The following GRIN2D variants were observed in gnomAD, a reference collection of about 807,000 sequenced individuals.
The protein encoded by GRIN2D is glutamate ionotropic receptor NMDA type subunit 2D.
GRIN2D carries 37 observed loss-of-function variants against 103.2 expected under a neutral mutation model. That is an observed-to-expected ratio of 0.36 (90% CI 0.28 to 0.47). The LOEUF (loss-of-function observed/expected upper bound fraction) is 0.47, where lower values mean the gene tolerates loss of function less well. GRIN2D is among the 20% of genes least tolerant of loss of function. The probability of loss-of-function intolerance (pLI) is 1.00; values close to 1 mark genes in which losing one functional copy is unlikely to be tolerated. For synonymous variants in GRIN2D, 845 were observed against 885.6 expected (o/e 0.95, Z 0.81); for missense variants, 1,557 against 1,910.6 (o/e 0.81, Z 3.45).
chr19:48,414,947 T>A lies in GRIN2D; in HGVS notation c.1496T>A (p.Ile499Asn). Residue 499 changes from isoleucine to asparagine, a missense_variant, in exon 7 of 14, where the codon ATC (isoleucine) becomes AAC (asparagine). By Grantham distance (149) the Ile-to-Asn change is moderately radical (BLOSUM62 -3). Coordinates refer to ENST00000263269, the MANE Select transcript of GRIN2D (RefSeq NM_000836.4). This position sits in a 1 kb window ranked among gnomAD's most constrained non-coding sequence, Gnocchi z 4.6. ...ATTCTGAAGCGGCTGGCGCATACCA[T>A]CGGCTTCAGCTACGACCTCTACCTG... ...IDILKRLAHT[I>N]GFSYDLYLVT... The A allele has an allele frequency of 6.2e-7, 1 of 1,613,910 alleles. No individual in the cohort carries two copies. The highest frequency in any genetic ancestry group is 8.5e-7 in the Non-Finnish European group (1 of 1,179,948).
intron 11 of GRIN2D, among the ~76,000 whole-genome samples, chr19:48,431,790 A>G (rs576229432): frequency 3.9e-5 from 6 of 152,064 alleles, no homozygotes; most frequent in South Asian, 4.2e-4. Context: ...TCACCATGTT[A>G]GTCAGGCTGG....
chr19:48,414,666 T>C lies in GRIN2D; in HGVS notation c.1412+82T>C. ...GTAGTCTGGGCCCCCAGCCCCCTCC[T>C]CCCTTGGGACCCAGGACCCACAAAG... On this transcript the variant is annotated intron_variant, in intron 6 of 13. Coordinates refer to ENST00000263269, the MANE Select transcript of GRIN2D (RefSeq NM_000836.4). The surrounding 1 kb of genome is among the most constrained non-coding windows in gnomAD (Gnocchi z 4.6). 1 of 1,368,592 alleles carries C rather than the reference T, an allele frequency of 7.3e-7. No individual in the cohort carries two copies. The highest frequency in any genetic ancestry group is 1.0e-6 in the Non-Finnish European group (1 of 991,660). The allele number at this position is 1,368,592 out of a possible 1,614,324, so 84.8% of individuals were successfully genotyped here. A position where few individuals can be genotyped will look rare whatever the true frequency, so the allele number is the denominator to read the frequency against.
chr19:48,443,757 G>T lies in GRIN2D; in HGVS notation c.3831G>T (p.Ser1277=). The T allele has an allele frequency of 7.0e-7, 1 of 1,426,918 alleles. No individual in the cohort carries two copies. The highest frequency in any genetic ancestry group is 9.1e-7 in the Non-Finnish European group (1 of 1,096,154). The allele number at this position is 1,426,918 out of a possible 1,614,324, so 88.4% of individuals were successfully genotyped here. Residue 1277 remains serine (S), a synonymous_variant, in exon 14 of 14, where the codon TCG becomes TCT. Transcript: ENST00000263269. The surrounding 1 kb of genome is among the most constrained non-coding windows in gnomAD (Gnocchi z 8.9). The stretch of plus-strand genomic sequence containing the variant: ...CGCGCTCGCTCGAGGACCTCAGCTC[G>T]TGCCCTCGCGCCGCCCCTGCGCGCA... ...PTSRSLEDLS[S]CPRAAPARRL...
chr19:48,417,656 G>T (rs907994444), intron 8 of GRIN2D, among the ~76,000 whole-genome samples: 8 of 152,116 alleles, frequency 5.3e-5, no homozygotes, highest in Non-Finnish European at 1.0e-4. Flanking sequence ...ACCACGTGGG[G>T]CCCCTGCTTG....
At chr19:48,409,805 C>T (rs1436324909) in intron 4 of GRIN2D, among the ~76,000 whole-genome samples, 1 of 151,218 alleles carries the variant, frequency 6.6e-6, no homozygotes, top group East Asian at 2.0e-4. Context: ...TTTTGAGATA[C>T]AGTCTCGCTC....
intron 11 of GRIN2D, among the ~76,000 whole-genome samples, chr19:48,424,367 T>C (rs1971062545): frequency 7.0e-6 from 1 of 142,768 alleles, no homozygotes; most frequent in South Asian, 2.2e-4. Flanking sequence ...GCCTCCCGGG[T>C]TCACGCCATT....
In GRIN2D at chr19:48,398,805, C is replaced by T. The variant is rs1024030742; in HGVS notation, c.413C>T (p.Ser138Leu). The T allele has an allele frequency of 2.5e-5, 36 of 1,451,930 alleles. No homozygotes were observed. Among genetic ancestry groups the T allele is most frequent in the Non-Finnish European group, 3.3e-5 (36 of 1,106,910 alleles). The allele number at this position is 1,451,930 out of a possible 1,614,324, so 89.9% of individuals were successfully genotyped here. A position where few individuals can be genotyped will look rare whatever the true frequency, so the allele number is the denominator to read the frequency against. ...CTCGACTTCCTGTCGGCGCAGACCT[C>T]GCTGCCCATCGTGGCCGTGCACGGC... The part of the protein sequence containing the change: ...PILDFLSAQT[S>L]LPIVAVHGGA... The change falls in exon 3 of 14, where the codon TCG becomes TTG. Residue 138 changes from serine (S) to leucine (L), a missense_variant. Ser to Leu is a moderately radical substitution (Grantham distance 145). This residue lies in a region of GRIN2D where 490 missense variants were observed against 601.1 expected (regional missense o/e 0.82). Transcript: ENST00000263269.
chr19:48,414,456 C>G lies in GRIN2D; in HGVS notation c.1284C>G (p.Asp428Glu). 6.2e-7 allele frequency: 1 copy of G among 1,608,092 alleles called. No individual in the cohort carries two copies. The highest frequency in any genetic ancestry group is 1.3e-5 in the African/African-American group (1 of 74,968). ...GTCGCTTCCTGCAGCCAGTGGACGACACGCAGCACCTCACGGTGGCCACGC... is the reference window on the plus strand; with the variant it reads ...GTCGCTTCCTGCAGCCAGTGGACGAGACGCAGCACCTCACGGTGGCCACGC... ...RYGRFLQPVD[D>E]TQHLTVATLE... is the part of the protein sequence containing the mutation. Residue 428 changes from aspartate to glutamate, a missense_variant, in exon 6 of 14, where the codon GAC becomes GAG. Physicochemically the swap from Asp to Glu is conservative, Grantham distance 45 (BLOSUM62 2). This residue lies in a region of GRIN2D where 197 missense variants were observed against 334.1 expected (regional missense o/e 0.59). Transcript: ENST00000263269. This position sits in a 1 kb window ranked among gnomAD's most constrained non-coding sequence, Gnocchi z 4.6.
chr19:48,415,933 T>G, intron 7 of GRIN2D, 69 bp from the exon 8 acceptor site: 1 of 1,441,520 alleles, frequency 6.9e-7, no homozygotes, highest in Non-Finnish European at 9.7e-7. Context: ...CCGTCTCTGC[T>G]CGCCGTCCGT....
chr19:48,394,482 C>T lies in GRIN2D; in HGVS notation c.-305-176C>T, dbSNP rs896874537. Among the ~76,000 whole-genome samples the T allele has an allele frequency of 3.3e-5, 4 of 122,270 alleles. No homozygotes were observed. Among genetic ancestry groups the T allele is most frequent in the Admixed American group, 1.0e-4 (1 of 10,000 alleles). 80.2% of individuals were successfully genotyped at this position (122,270 alleles called of 152,430 possible). ...GGGTGGGGGGGCTGAGGGCACAAAG[C>T]GGGGGTGCGAGTGAGCCAGGGAGAG... is the stretch of plus-strand genomic sequence containing the variant. On this transcript the variant is annotated intron_variant, in intron 1 of 13. Transcript: ENST00000263269. This position sits in a 1 kb window ranked among gnomAD's most constrained non-coding sequence, Gnocchi z 5.1.
Position 48,442,439 on chromosome 19 carries a change from A to G in GRIN2D, c.2673+57A>G. The G allele has an allele frequency of 6.4e-7, 1 of 1,564,842 alleles. No homozygotes were observed. The highest frequency in any genetic ancestry group is 8.7e-7 in the Non-Finnish European group (1 of 1,150,244). ...AGATGGCAGGGGCGGGGACAAAGGT[A>G]AAGCCGAGCAGAGACAAGGAGATGT... On this transcript the variant is annotated intron_variant, in intron 13 of 13. Transcript: ENST00000263269. This position sits in a 1 kb window ranked among gnomAD's most constrained non-coding sequence, Gnocchi z 7.2.
chr19:48,434,605 G>A (rs1971205794), intron 11 of GRIN2D, among the ~76,000 whole-genome samples: 1 of 151,070 alleles, frequency 6.6e-6, no homozygotes, highest in African/African-American at 2.4e-5. Flanking sequence ...ATTTTTAATT[G>A]TATTTTTTTT....
At chr19:48,401,556 T>C (rs1970710977) in intron 3 of GRIN2D, among the ~76,000 whole-genome samples, 1 of 151,998 alleles carries the variant, frequency 6.6e-6, no homozygotes, top group African/African-American at 2.4e-5. Flanking sequence ...AGGAGCTTGA[T>C]GTATTTGAGG....
chr19:48,418,647 G>GTGGCCAGC lies in GRIN2D; in HGVS notation c.1736-586_1736-579dup, dbSNP rs545876102. Among the ~76,000 whole-genome samples the GTGGCCAGC allele has an allele frequency of 3.2e-3, 485 of 152,210 alleles. 2 individuals are homozygous for GTGGCCAGC. Among genetic ancestry groups the GTGGCCAGC allele is most frequent in the African/African-American group, 0.011 (465 of 41,516 alleles). ...GCGTGGGGCTGGATACTGACAGGCT[G>GTGGCCAGC]TGGCCAGCGAGGGAGAAGGAGGGAG... On this transcript the variant is annotated intron_variant, in intron 8 of 13. Coordinates refer to ENST00000263269, the MANE Select transcript of GRIN2D (RefSeq NM_000836.4).
Position 48,398,650 on chromosome 19 carries a change from C to T in GRIN2D, c.258C>T (p.Pro86=). Residue 86 remains proline (P), a synonymous_variant, in exon 3 of 14, where the codon CCC becomes CCT. Coordinates refer to ENST00000263269, the MANE Select transcript of GRIN2D (RefSeq NM_000836.4). ...GCAGCCCGGGCCTAGACGTGCGGCC[C>T]GTGGCGCTGGTGCTCAACGGCTCGG... ...AVRSPGLDVR[P]VALVLNGSDP... is the part of the protein sequence containing the mutation. 1 of 1,435,596 alleles carries T rather than the reference C, an allele frequency of 7.0e-7. No homozygotes were observed. The highest frequency in any genetic ancestry group is 9.1e-7 in the Non-Finnish European group (1 of 1,095,046). 88.9% of individuals were successfully genotyped at this position (1,435,596 alleles called of 1,614,324 possible).
chr19:48,401,888 G>A (rs12610429), intron 3 of GRIN2D, among the ~76,000 whole-genome samples: 11,323 of 152,100 alleles, frequency 0.074, 527 homozygotes, highest in East Asian at 0.19. Context: ...ATCACTTGAG[G>A]TGAGGAGTTT....
At chr19:48,397,797 T>C (rs879906726) in intron 2 of GRIN2D, among the ~76,000 whole-genome samples, 1 of 151,832 alleles carries the variant, frequency 6.6e-6, no homozygotes, top group Non-Finnish European at 1.5e-5. Flanking sequence ...GCTCCTATCT[T>C]GATCCCATCT....
chr19:48,398,867 AC>A lies in GRIN2D; in HGVS notation c.465+12del. 9.0e-7 allele frequency: 1 copy of A among 1,106,074 alleles called. No homozygotes were observed. The highest frequency in any genetic ancestry group is 1.1e-6 in the Non-Finnish European group (1 of 906,000). The allele number at this position is 1,106,074 out of a possible 1,614,324, so 68.5% of individuals were successfully genotyped here. The stretch of plus-strand genomic sequence containing the variant: ...CGTGCTCACGCCCAAGGTGCGCGCG[AC>A]CGGGGCGGGGCGGGGCCACAGGAGG... On this transcript the variant is annotated intron_variant, in intron 3 of 13. Transcript: ENST00000263269.
At chr19:48,410,106 T>C (rs1970837828) in intron 4 of GRIN2D, among the ~76,000 whole-genome samples, 1 of 150,364 alleles carries the variant, frequency 6.7e-6, no homozygotes, top group Non-Finnish European at 1.5e-5. Context: ...CTGAGAGTAG[T>C]GGGGAGTTCA....
Sources: allele counts gnomAD v4.1 joint callset (sites outside exome capture counted in the v4.1 genomes callset), GRCh38; gene constraint gnomAD v4.1.1; regional missense constraint gnomAD v4.1.1; non-coding constraint Gnocchi (gnomAD v3.1); transcripts MANE v1.5; gene names NCBI Gene and HGNC (gene_info 2026-07-23, HGNC 2026-07-21).